HERC2: variants seen among roughly 807,000 people sequenced by gnomAD.
HERC2 encodes the protein E3 ubiquitin-protein ligase HERC2.
In HERC2, 102 loss-of-function variants were observed where a neutral mutation model predicts 537.7. That is an observed-to-expected ratio of 0.19 (90% CI 0.16 to 0.22). The LOEUF is 0.22. Among genes scored for constraint, HERC2 ranks in the 10% least tolerant of loss-of-function variants. HERC2 has a pLI of 1.00. For synonymous variants in HERC2, 2,224 were observed against 2,466.2 expected, an observed-to-expected ratio of 0.90 and a Z score of 2.91; for missense variants, 4,236 against 6,198.2, an observed-to-expected ratio of 0.68 and a Z score of 10.63.
intron 38 of HERC2, 81 bp downstream of exon 38, chr15:28,218,408 C>T: frequency 8.2e-7 from 1 of 1,221,736 alleles, no homozygotes; most frequent in South Asian, 1.2e-5. Flanking sequence ...CACACATCCA[C>T]ACCCACCCAC....
chr15:28,139,008 A>T (rs1156854653), intron 78 of HERC2, among the ~76,000 whole-genome samples: 1 of 152,232 alleles, frequency 6.6e-6, no homozygotes, highest in Non-Finnish European at 1.5e-5. Context: ...ATGTGGTGGA[A>T]ACAGCAAGAG....
intron 80 of HERC2, 98 bp from the exon 81 acceptor site, chr15:28,132,359 C>A: frequency 1.7e-6 from 2 of 1,176,092 alleles, no homozygotes; most frequent in East Asian, 5.3e-5. Flanking sequence ...TATGGGGGTA[C>A]CTGTTTTAAG....
At chr15:28,308,098 T>C (rs2076842086) in intron 2 of HERC2, among the ~76,000 whole-genome samples, 1 of 152,200 alleles carries the variant, frequency 6.6e-6, no homozygotes, top group African/African-American at 2.4e-5. Flanking sequence ...AGAATGTCAT[T>C]GGTATTTTGC....
At chr15:28,227,316 T>C (rs866225420) in intron 35 of HERC2, among the ~76,000 whole-genome samples, 7 of 151,828 alleles carry the variant, frequency 4.6e-5, no homozygotes, top group African/African-American at 7.3e-5. Flanking sequence ...GGGACTTGAA[T>C]AGACACTTCT....
At chr15:28,127,237 G>A (rs1288974312) in intron 83 of HERC2, among the ~76,000 whole-genome samples, 3 of 152,224 alleles carry the variant, frequency 2.0e-5, no homozygotes, top group African/African-American at 4.8e-5. Flanking sequence ...CTCTGCAGAC[G>A]CAGCTGGGCA....
At chr15:28,190,507 C>A (rs1896761121) in intron 55 of HERC2, 1 of 164,514 alleles carries the variant, frequency 6.1e-6, no homozygotes, top group African/African-American at 2.4e-5. Context: ...AACTTAGACT[C>A]ATTTTGAAAG....
chr15:28,280,948 A>G (rs746757241), intron 4 of HERC2, among the ~76,000 whole-genome samples: 4 of 152,018 alleles, frequency 2.6e-5, no homozygotes, highest in Admixed American at 6.6e-5. Context: ...TTTGAAGTCA[A>G]TATTAGTCAA....
chr15:28,318,717 G>A (rs1289946398), intron 2 of HERC2, among the ~76,000 whole-genome samples: 2 of 152,128 alleles, frequency 1.3e-5, no homozygotes, highest in Non-Finnish European at 2.9e-5. Context: ...AGAGGTTGCT[G>A]GATGTAGGGC....
intron 24 of HERC2, 125 bp from the exon 25 acceptor site, chr15:28,238,342 G>A: frequency 1.2e-6 from 1 of 833,852 alleles, no homozygotes; most frequent in East Asian, 2.6e-5. Context: ...AGAGTATAAT[G>A]ACCTTCTACT....
intron 6 of HERC2, 62 bp from the exon 7 acceptor site, chr15:28,274,509 C>T (rs1001294596): frequency 6.6e-6 from 10 of 1,507,056 alleles, no homozygotes; most frequent in Non-Finnish European, 8.9e-6. Context: ...CTGGGCTTCC[C>T]ACCCCTCAGC....
rs1889054538 is a variant in HERC2 at position 28,122,681 on chromosome 15, C to T, written c.13189-1252G>A. ...GCTCTGGACCGGGAGTAGTAACACC[C>T]ACTCTCTGAGGCCGATCCTCACCAT... On this transcript the variant is annotated intron_variant, in intron 85 of 92. Coordinates refer to ENST00000261609, the MANE Select transcript of HERC2 (RefSeq NM_004667.6). The surrounding 1 kb of genome is among the most constrained non-coding windows in gnomAD (Gnocchi z 4.1). Among the ~76,000 whole-genome samples, 1 of 152,146 alleles carries T rather than the reference C, an allele frequency of 6.6e-6. No homozygotes were observed. Among genetic ancestry groups the T allele is most frequent in the African/African-American group, 2.4e-5 (1 of 41,432 alleles).
intron 26 of HERC2, among the ~76,000 whole-genome samples, chr15:28,234,808 C>T (rs1165853306): frequency 6.6e-6 from 1 of 151,066 alleles, no homozygotes; most frequent in African/African-American, 2.4e-5. Flanking sequence ...CGCTGAGTAT[C>T]CAGGCAGGGA....
rs776488881 is a variant in HERC2 at position 28,263,217 on chromosome 15, G to A, written c.1871-48C>T. 20 of 1,576,190 alleles carry A rather than the reference G, an allele frequency of 1.3e-5. No individual in the cohort carries two copies. The Admixed American group carries it at 2.2e-4, about 17-fold the overall frequency. ...AATAACAACAACTCTGCATTTTAAC[G>A]AAAAATTTTAAATGACTGCAAATAA... On this transcript the variant is annotated intron_variant, in intron 14 of 92. Coordinates refer to ENST00000261609, the MANE Select transcript of HERC2 (RefSeq NM_004667.6).
intron 39 of HERC2, 150 bp downstream of exon 39, chr15:28,215,471 C>T (rs2140456865): frequency 1.7e-6 from 1 of 596,598 alleles, no homozygotes; most frequent in East Asian, 2.9e-5. Flanking sequence ...TATCAAGGAC[C>T]TCTGCCCCTT....
At chr15:28,289,941 A>G (rs181716838) in intron 4 of HERC2, among the ~76,000 whole-genome samples, 1 of 152,180 alleles carries the variant, frequency 6.6e-6, no homozygotes, top group East Asian at 1.9e-4. Flanking sequence ...TACACACCTA[A>G]GTGAGAGGAC....
intron 23 of HERC2, among the ~76,000 whole-genome samples, chr15:28,244,862 A>G (rs1163563625): frequency 1.3e-5 from 2 of 152,172 alleles, no homozygotes; most frequent in Admixed American, 1.3e-4. Flanking sequence ...GAGAAGAAAA[A>G]AAGCCCATCC....
intron 34 of HERC2, 45 bp downstream of exon 34, chr15:28,229,150 T>C (rs1901562471): frequency 6.6e-7 from 1 of 1,524,000 alleles, no homozygotes; most frequent in Non-Finnish European, 9.1e-7. Flanking sequence ...CAACATATAA[T>C]TAAAGGCAAA....
intron 42 of HERC2, 29 bp from the exon 43 acceptor site, chr15:28,212,612 G>A: frequency 6.2e-7 from 1 of 1,607,130 alleles, no homozygotes; most frequent in Admixed American, 1.7e-5. Flanking sequence ...CTGTCAGAGT[G>A]TGGCCAATAC....
rs763050424 is a variant in HERC2 at position 28,229,479 on chromosome 15, G to C, written c.5101C>G (p.Pro1701Ala). 7.4e-6 allele frequency: 12 copies of C among 1,613,772 alleles called. 1 individual carries two copies. In the South Asian group the frequency reaches 8.8e-5, roughly 12 times the overall value. The change falls in exon 33 of 93, where the codon CCT (proline) becomes GCT (alanine). Residue 1701 changes from proline to alanine, a missense_variant. Pro to Ala is a conservative substitution (Grantham distance 27). Transcript: ENST00000261609. ...TTTTACCCTATATCGATTCCCTCAG[G>C]AATAAGTCTTTGCCATCCACAAAAC... ...AMFCGWQRLI[P>A]EGIDIGEPLT...
Sources: gnomAD v4.1 joint callset for allele counts (sites outside exome capture counted in the v4.1 genomes callset) on GRCh38, gnomAD v4.1.1 for gene constraint, Gnocchi (gnomAD v3.1) non-coding constraint, MANE v1.5 for transcripts, NCBI Gene and HGNC (gene_info 2026-07-23, HGNC 2026-07-21) for gene names.